The following USP50 variants were observed in gnomAD, a reference collection of about 807,000 sequenced individuals.
USP50 encodes the protein ubiquitin specific peptidase 50, also known as ubiquitin carboxyl-terminal hydrolase 50.
USP50 carries 37 observed loss-of-function variants against 39.2 expected under a neutral mutation model. That is an observed-to-expected ratio of 0.94 (90% CI 0.73 to 1.24). USP50 has a LOEUF of 1.24. Among genes scored for constraint, USP50 ranks in the 50% most tolerant of loss-of-function variants. The pLI, the probability that USP50 is intolerant of heterozygous loss-of-function variation, is 0.00. For synonymous variants in USP50, 139 were observed against 144.5 expected (o/e 0.96, Z 0.27); for missense variants, 374 against 398.2 (o/e 0.94, Z 0.52).
At chr15:50,514,850 G>T (rs1209340880) in intron 6 of USP50, among the ~76,000 whole-genome samples, 1 of 151,644 alleles carries the variant, frequency 6.6e-6, no homozygotes, top group East Asian at 1.9e-4. Flanking sequence ...TAAAAAATTA[G>T]CTGGGCATGA....
At chr15:50,500,527 A>G (rs1040850785), downstream of USP50, 2 of 428,468 alleles carry the variant, frequency 4.7e-6, no homozygotes, top group Non-Finnish European at 8.6e-6. Context: ...GTTGTATAAC[A>G]TGCCCACAAG....
At chr15:50,505,324 T>C (rs2052644183) in intron 6 of USP50, 1 of 152,176 alleles carries the variant, frequency 6.6e-6, no homozygotes, top group Non-Finnish European at 1.5e-5. Flanking sequence ...TCTAACCTGC[T>C]GGTAGAAGTT....
chr15:50,538,013 A>G (rs1192561278), intron 5 of USP50, among the ~76,000 whole-genome samples: 2 of 151,332 alleles, frequency 1.3e-5, no homozygotes, highest in African/African-American at 2.4e-5. Context: ...GTGGGGGCTC[A>G]TGCCTATAAT....
intron 6 of USP50, among the ~76,000 whole-genome samples, chr15:50,529,411 A>G (rs1420463615): frequency 6.6e-6 from 1 of 151,792 alleles, no homozygotes. Context: ...GGGGAGGATC[A>G]GTTGAGTTGG....
intron 1 of USP50, among the ~76,000 whole-genome samples, chr15:50,494,606 G>A (rs1171871886): frequency 6.6e-6 from 1 of 152,166 alleles, no homozygotes; most frequent in Non-Finnish European, 1.5e-5. Context: ...CATTTTTATT[G>A]TATGTTATGT....
chr15:50,508,647 A>G (rs987299591), intron 6 of USP50: 28 of 152,224 alleles, frequency 1.8e-4, no homozygotes, highest in African/African-American at 6.8e-4. Context: ...AGCAGAAAAC[A>G]AAGATGTAAT....
At chr15:50,494,997 C>G (rs997363641) in intron 1 of USP50, among the ~76,000 whole-genome samples, 2 of 143,808 alleles carry the variant, frequency 1.4e-5, no homozygotes, top group African/African-American at 2.6e-5. Flanking sequence ...CCAGCCTGGG[C>G]GACAGAGTGA....
chr15:50,498,423 G>A (rs540966460), downstream of USP50: 95 of 815,516 alleles, frequency 1.2e-4, no homozygotes, highest in East Asian at 1.1e-3. Flanking sequence ...TTTCTTGTTT[G>A]TAAAATGGAA....
At chr15:50,525,572 G>GTGTA (rs1440176985) in intron 6 of USP50, among the ~76,000 whole-genome samples, 87 of 64,712 alleles carry the variant, frequency 1.3e-3, no homozygotes, top group African/African-American at 3.9e-3. Context: ...ATGTATATAT[G>GTGTA]TATATGTATA....
At chr15:50,541,987 G>A (rs28608916) in intron 3 of USP50, among the ~76,000 whole-genome samples, 9,922 of 151,694 alleles carry the variant, frequency 0.065, 464 homozygotes, top group African/African-American at 0.13. Context: ...GGCTGAGGCG[G>A]GAGGAGTTTG....
downstream of USP50, chr15:50,493,590 C>G: frequency 4.3e-6 from 2 of 462,996 alleles, no homozygotes; most frequent in South Asian, 3.2e-5. Flanking sequence ...TCCGTCTCTA[C>G]AAAAATTAGC....
chr15:50,525,642 G>GTATATA (rs2052888117), intron 6 of USP50, among the ~76,000 whole-genome samples: 9 of 101,320 alleles, frequency 8.9e-5, no homozygotes, highest in Admixed American at 3.5e-4. Context: ...ATATGTATAT[G>GTATATA]TGTATATGTA....
intron 6 of USP50, among the ~76,000 whole-genome samples, chr15:50,526,185 AG>A (rs2052897281): frequency 6.6e-6 from 1 of 152,090 alleles, no homozygotes; most frequent in Admixed American, 6.6e-5. Context: ...CAGCCCCTCG[AG>A]TAGCTGGGAC....
At chr15:50,499,133 A>G (rs755625350), downstream of USP50, 9 of 1,519,878 alleles carry the variant, frequency 5.9e-6, no homozygotes, top group Non-Finnish European at 7.9e-6. Flanking sequence ...AGGCTCAGCA[A>G]CACAACTCTT....
intron 5 of USP50, chr15:50,532,031 C>T: frequency 2.3e-6 from 1 of 431,262 alleles, no homozygotes; most frequent in Non-Finnish European, 4.6e-6. Flanking sequence ...AACTGCCGAG[C>T]AGAAACCTCT....
chr15:50,526,858 G>A lies in USP50; in HGVS notation c.936+2939C>T, dbSNP rs572587699. The stretch of plus-strand genomic sequence containing the variant: ...TGCCTGTTTCCTATTCTGTAAAATG[G>A]GAATAATACAGAGTGCCTACCTCGT... On this transcript the variant is annotated intron_variant, in intron 6 of 6. Coordinates refer to ENST00000532404, the MANE Select transcript of USP50 (RefSeq NM_203494.5). 2.1e-4 allele frequency among the ~76,000 whole-genome samples: 32 copies of A among 152,306 alleles called. No homozygotes were observed. In the East Asian group the frequency reaches 4.2e-3, roughly 20 times the overall value.
rs976080656 is a variant in USP50, at chr15:50,500,752, G to A, written c.*17C>T. On this transcript the variant is annotated 3_prime_UTR_variant, in exon 7 of 7. Coordinates refer to ENST00000532404, the MANE Select transcript of USP50 (RefSeq NM_203494.5). The stretch of plus-strand genomic sequence containing the variant: ...AGTATCTGGAATCTCACTGACTCGT[G>A]TGTTATCAAAGCTATATCAGGCCTG... 3 of 1,577,764 alleles carry A rather than the reference G, an allele frequency of 1.9e-6. No individual in the cohort carries two copies. The highest frequency in any genetic ancestry group is 2.3e-5 in the East Asian group (1 of 43,550).
intron 1 of USP50, among the ~76,000 whole-genome samples, chr15:50,495,156 T>C (rs892839328): frequency 6.6e-6 from 1 of 151,926 alleles, no homozygotes; most frequent in Non-Finnish European, 1.5e-5. Context: ...TTGTCTCACA[T>C]ATTTTGGGGT....
At chr15:50,521,778 C>T (rs2141363744) in intron 6 of USP50, among the ~76,000 whole-genome samples, 1 of 151,830 alleles carries the variant, frequency 6.6e-6, no homozygotes. Context: ...GCCTGGCCAA[C>T]ACAGTGAAAC....
Sources: gnomAD v4.1 joint callset for allele counts (sites outside exome capture counted in the v4.1 genomes callset) on GRCh38, gnomAD v4.1.1 for gene constraint, MANE v1.5 for transcripts, NCBI Gene and HGNC (gene_info 2026-07-23, HGNC 2026-07-21) for gene names.